The following DNA2 variants were observed in gnomAD, a reference collection of about 807,000 sequenced individuals.
DNA2 encodes DNA replication helicase/nuclease 2, also known as DNA replication ATP-dependent helicase/nuclease DNA2.
DNA2 carries 101 observed loss-of-function variants against 119.1 expected under a neutral mutation model. The observed-to-expected ratio is 0.85, with a 90% CI of 0.72 to 1.00. The LOEUF (loss-of-function observed/expected upper bound fraction) is 1.00. Ranked by LOEUF, DNA2 falls within the 50% of genes least tolerant of loss-of-function variation. The probability of loss-of-function intolerance (pLI) is 0.00; values close to 1 mark genes in which losing one functional copy is unlikely to be tolerated. For missense variants in DNA2, 1,121 were observed against 1,255.5 expected, an observed-to-expected ratio of 0.89 and a Z score of 1.62; for synonymous variants, 366 against 424.4, an observed-to-expected ratio of 0.86 and a Z score of 1.69.
intron 14 of DNA2, among the ~76,000 whole-genome samples, chr10:68,423,339 T>C (rs2051692141): frequency 1.3e-5 from 2 of 150,846 alleles, no homozygotes. Flanking sequence ...GCAGACCAGC[T>C]AGGGAGCTCA....
At chr10:68,467,293 T>TA (rs2052338457) in intron 3 of DNA2, among the ~76,000 whole-genome samples, 1 of 152,062 alleles carries the variant, frequency 6.6e-6, no homozygotes, top group Admixed American at 6.6e-5. Context: ...GTGTATTTAG[T>TA]AGAGACTGGT....
chr10:68,426,604 G>A (rs867245041), intron 14 of DNA2, among the ~76,000 whole-genome samples: 1 of 151,880 alleles, frequency 6.6e-6, no homozygotes, highest in Non-Finnish European at 1.5e-5. Flanking sequence ...GGGAGGCCAA[G>A]GCAGGCAGAT....
rs371684850 is a variant in DNA2, at chr10:68,419,884, C to T, written c.2706G>A (p.Ala902=). The T allele has an allele frequency of 7.8e-5, 126 of 1,613,570 alleles. No individual in the cohort carries two copies. The highest frequency in any genetic ancestry group is 5.5e-5 in the South Asian group (5 of 91,068). Residue 902 remains alanine, a synonymous_variant, in exon 18 of 21, where the codon GCG becomes GCA. Coordinates refer to ENST00000358410, the MANE Select transcript of DNA2 (RefSeq NM_001080449.3). ...VCFLNTDKVP[A]PEQVEKGGVS... is the part of the protein sequence containing the mutation. ...CACCACCTTTTTCAACTTGTTCTGG[C>T]GCTGGAACCTAAGTGGAAAAATATA...
Position 68,446,370 on chromosome 10 carries a change from G to A in DNA2, c.983C>T (p.Pro328Leu). 20 of 1,597,964 alleles carry A rather than the reference G, an allele frequency of 1.3e-5. No individual in the cohort carries two copies. Among genetic ancestry groups the A allele is most frequent in the Non-Finnish European group, 1.7e-5 (20 of 1,171,934 alleles). ...TLLSQERRAD[P>L]EAGLLLYLKT... ...GAGGTAGAGAAGCAAGCCAGCCTCT[G>A]GATCAGCTCTTCTCTCTTGGCTTAG... Residue 328 changes from proline (P) to leucine (L), a missense_variant, in exon 7 of 21, where the codon CCA becomes CTA. Transcript: ENST00000358410.
At position 68,419,905 on chromosome 10, in the gene DNA2, A is replaced by C. The variant is rs1286712929; in HGVS notation, c.2698-13T>G. 3 of 1,609,536 alleles carry C rather than the reference A, an allele frequency of 1.9e-6. No individual in the cohort carries two copies. Among genetic ancestry groups the C allele is most frequent in the Non-Finnish European group, 2.6e-6 (3 of 1,175,844 alleles). On this transcript the variant is annotated splice_polypyrimidine_tract_variant and intron_variant, in intron 17 of 20. Coordinates refer to ENST00000358410, the MANE Select transcript of DNA2 (RefSeq NM_001080449.3). ...CTGGCGCTGGAACCTAAGTGGAAAA[A>C]TATACAGCCTGCTGATAATACAATC... is the stretch of plus-strand genomic sequence containing the variant.
chr10:68,424,902 C>T lies in DNA2; in HGVS notation c.2209-2012G>A, dbSNP rs760401351. 233 of 709,312 alleles carry T rather than the reference C, an allele frequency of 3.3e-4. 2 individuals are homozygous for T. The highest frequency in any genetic ancestry group is 1.6e-3 in the Middle Eastern group (6 of 3,842). The allele number at this position is 709,312 out of a possible 1,614,324, so 43.9% of individuals were successfully genotyped here. ...CACCAGGCTAAATCTCAACAAGGAT[C>T]GGAAAAAAATTATTGAACACAAAGC... On this transcript the variant is annotated intron_variant, in intron 14 of 20. Coordinates refer to ENST00000358410, the MANE Select transcript of DNA2 (RefSeq NM_001080449.3).
At chr10:68,458,524 ACT>A (rs936146998) in intron 5 of DNA2, among the ~76,000 whole-genome samples, 2 of 149,900 alleles carry the variant, frequency 1.3e-5, no homozygotes, top group African/African-American at 4.9e-5. Context: ...ACAGAGCAAG[ACT>A]CTGTATCAAA....
intron 1 of DNA2, among the ~76,000 whole-genome samples, chr10:68,471,345 C>T (rs1260303753): frequency 6.6e-6 from 1 of 152,168 alleles, no homozygotes; most frequent in Non-Finnish European, 1.5e-5. Flanking sequence ...CGCTAATTAG[C>T]ATTATTGCTA....
At chr10:68,424,267 G>T (rs1279171632) in intron 14 of DNA2, among the ~76,000 whole-genome samples, 1 of 152,192 alleles carries the variant, frequency 6.6e-6, no homozygotes, top group Non-Finnish European at 1.5e-5. Context: ...ACTTTGGGAG[G>T]CCAAGGTGGG....
intron 9 of DNA2, among the ~76,000 whole-genome samples, chr10:68,441,335 T>TAAAAA (rs35334686): frequency 8.3e-6 from 1 of 121,116 alleles, no homozygotes; most frequent in Non-Finnish European, 1.8e-5. Flanking sequence ...CCCTGTCTCT[T>TAAAAA]AAAAAAAAAA....
chr10:68,417,445 TAG>T (rs2051606708), intron 19 of DNA2, among the ~76,000 whole-genome samples: 1 of 143,406 alleles, frequency 7.0e-6, no homozygotes, highest in African/African-American at 2.6e-5. Context: ...GGAGGATTGC[TAG>T]AGCTCGGGAG....
At chr10:68,419,472 C>T (rs2051637661) in intron 18 of DNA2, 2 of 482,092 alleles carry the variant, frequency 4.1e-6, no homozygotes, top group Non-Finnish European at 7.3e-6. Flanking sequence ...AAACAGTGCA[C>T]ACACACACAC....
intron 5 of DNA2, among the ~76,000 whole-genome samples, chr10:68,458,550 A>AC (rs1237134249): frequency 2.0e-5 from 3 of 151,934 alleles, no homozygotes; most frequent in Admixed American, 6.6e-5. Flanking sequence ...GAAAAAAAAA[A>AC]AAAAGAAGAA....
At chr10:68,455,624 C>T (rs180793199) in intron 5 of DNA2, among the ~76,000 whole-genome samples, 256 of 151,072 alleles carry the variant, frequency 1.7e-3, no homozygotes, top group Non-Finnish European at 2.3e-3. Flanking sequence ...AGTTCGAGAC[C>T]AGCCTGGCCA....
chr10:68,464,265 C>G (rs2052297576), intron 4 of DNA2, among the ~76,000 whole-genome samples: 1 of 152,134 alleles, frequency 6.6e-6, no homozygotes, highest in African/African-American at 2.4e-5. Context: ...GTAATCCCAG[C>G]ACTTTGGGAC....
intron 5 of DNA2, among the ~76,000 whole-genome samples, chr10:68,453,338 C>A (rs2052143909): frequency 6.6e-6 from 1 of 152,192 alleles, no homozygotes; most frequent in Admixed American, 6.5e-5. Flanking sequence ...CATTTATCAA[C>A]ATTTCCTTAG....
intron 20 of DNA2, among the ~76,000 whole-genome samples, chr10:68,416,154 G>C (rs2051586425): frequency 6.6e-6 from 1 of 152,140 alleles, no homozygotes; most frequent in Non-Finnish European, 1.5e-5. Context: ...CAGCCTGAGT[G>C]AAGTTAGGCA....
chr10:68,454,945 T>C (rs1291514005), intron 5 of DNA2, among the ~76,000 whole-genome samples: 1 of 151,376 alleles, frequency 6.6e-6, no homozygotes, highest in African/African-American at 2.4e-5. Context: ...TTAGGATTTT[T>C]TTTTTTTTTT....
At chr10:68,458,999 C>T (rs2052221272) in intron 5 of DNA2, 105 bp downstream of exon 5, 1 of 1,020,244 alleles carries the variant, frequency 9.8e-7, no homozygotes, top group East Asian at 2.8e-5. Flanking sequence ...AGCAAAATGG[C>T]TAATTGTAAT....
Sources: allele counts gnomAD v4.1 joint callset (sites outside exome capture counted in the v4.1 genomes callset), GRCh38; gene constraint gnomAD v4.1.1; transcripts MANE v1.5; gene names NCBI Gene and HGNC (gene_info 2026-07-23, HGNC 2026-07-21).